SDK2: variants seen among roughly 807,000 people sequenced by gnomAD.
The protein encoded by SDK2 is sidekick cell adhesion molecule 2.
A neutral mutation model predicts 253.9 loss-of-function variants in SDK2; 105 were observed. The ratio of observed to expected loss-of-function variants is 0.41; its 90% CI spans 0.35 to 0.49. SDK2 has a LOEUF of 0.49. Among genes scored for constraint, SDK2 ranks in the 20% least tolerant of loss-of-function variants. The pLI, the probability that SDK2 is intolerant of heterozygous loss-of-function variation, is 0.06. For missense variants in SDK2, 2,608 were observed against 3,003.0 expected, an observed-to-expected ratio of 0.87 and a Z score of 3.07; for synonymous variants, 1,249 against 1,234.9, an observed-to-expected ratio of 1.01 and a Z score of -0.24.
chr17:73,457,051 G>A (rs1208241293), intron 3 of SDK2, among the ~76,000 whole-genome samples: 3 of 152,204 alleles, frequency 2.0e-5, no homozygotes, highest in African/African-American at 7.2e-5. Flanking sequence ...CTTGGCAAGT[G>A]TGTCCATGTT....
At position 73,470,691 on chromosome 17, in the gene SDK2, G is replaced by GCCTCACTTGAGATTTTCTTTTA. The variant is rs1332174812; in HGVS notation, c.331+1399_331+1420dup. 2.6e-5 allele frequency among the ~76,000 whole-genome samples: 4 copies of GCCTCACTTGAGATTTTCTTTTA among 152,294 alleles called. No individual in the cohort carries two copies. The East Asian group carries it at 5.8e-4, about 22-fold the overall frequency. ...TCCGTAATTATCATAAACACTCTTT[G>GCCTCACTTGAGATTTTCTTTTA]CCTCACTTGAGATTTTCTTTTAGAT... On this transcript the variant is annotated intron_variant, in intron 3 of 44. Coordinates refer to ENST00000392650, the MANE Select transcript of SDK2 (RefSeq NM_001144952.2).
intron 1 of SDK2, among the ~76,000 whole-genome samples, chr17:73,611,029 T>C (rs1374032581): frequency 2.0e-5 from 3 of 152,248 alleles, no homozygotes; most frequent in Admixed American, 6.5e-5. Context: ...TACTGTATTC[T>C]CTGCACAGTC....
At chr17:73,627,137 A>G (rs2046212166) in intron 1 of SDK2, among the ~76,000 whole-genome samples, 1 of 152,166 alleles carries the variant, frequency 6.6e-6, no homozygotes, top group Non-Finnish European at 1.5e-5. Context: ...GGGGTTGTTG[A>G]AAGGATTCGA....
chr17:73,579,209 A>G (rs1043093906), intron 1 of SDK2, among the ~76,000 whole-genome samples: 2 of 152,122 alleles, frequency 1.3e-5, no homozygotes, highest in African/African-American at 4.8e-5. Flanking sequence ...CATCCTCCGC[A>G]GTCTCCCCAG....
intron 6 of SDK2, among the ~76,000 whole-genome samples, chr17:73,438,631 A>AAGACAGACAGACAGAC (rs34644814): frequency 7.4e-4 from 108 of 146,650 alleles, no homozygotes; most frequent in African/African-American, 2.8e-3. Context: ...AAGGGCAGAC[A>AAGACAGACAGACAGAC]AGACAGACAG....
intron 2 of SDK2, among the ~76,000 whole-genome samples, chr17:73,494,720 C>T (rs1161574056): frequency 2.0e-5 from 3 of 152,210 alleles, no homozygotes; most frequent in Non-Finnish European, 1.5e-5. Context: ...TCTCTCCCTC[C>T]CATCTGCCAC....
At chr17:73,580,954 A>G (rs8081098) in intron 1 of SDK2, among the ~76,000 whole-genome samples, 32,579 of 152,108 alleles carry the variant, frequency 0.21, 3,835 homozygotes, top group African/African-American at 0.3. Context: ...GTGCAGTGGT[A>G]TGAATACTGC....
At chr17:73,487,669 A>G (rs1175086948) in intron 2 of SDK2, among the ~76,000 whole-genome samples, 1 of 152,178 alleles carries the variant, frequency 6.6e-6, no homozygotes, top group Non-Finnish European at 1.5e-5. Flanking sequence ...GTCCTTGCAC[A>G]CACAACTTTA....
At chr17:73,552,722 C>T (rs143544462) in intron 1 of SDK2, among the ~76,000 whole-genome samples, 99 of 152,316 alleles carry the variant, frequency 6.5e-4, no homozygotes, top group African/African-American at 2.2e-3. Flanking sequence ...AGCTTGAGGA[C>T]GGTGCTACTA....
intron 4 of SDK2, among the ~76,000 whole-genome samples, chr17:73,450,405 G>A (rs1257877441): frequency 1.3e-5 from 2 of 152,128 alleles, no homozygotes; most frequent in Admixed American, 6.6e-5. Context: ...TTCCCACCCC[G>A]CAGACCGGGA....
chr17:73,338,606 C>G lies in SDK2; in HGVS notation c.6500G>C (p.Gly2167Ala), dbSNP rs1328183317. 1 of 1,521,872 alleles carries G rather than the reference C, an allele frequency of 6.6e-7. No homozygotes were observed. The highest frequency in any genetic ancestry group is 2.2e-5 in the Admixed American group (1 of 45,520). 94.3% of individuals were successfully genotyped at this position (1,521,872 alleles called of 1,614,324 possible). A position where few individuals can be genotyped will look rare whatever the true frequency, so the allele number is the denominator to read the frequency against. ...LAPGSRAPIA[G>A]FSSFV ...CTGATGTCAAACAAATGATGAAAAT[C>G]CTGCTATGGGAGCCCGGGAGCCTGG... Residue 2167 changes from glycine (G) to alanine (A), a missense_variant, in exon 45 of 45, where the codon GGA (glycine) becomes GCA (alanine). Around this residue, in one of 2 missense-constraint regions of SDK2, gnomAD observed 1,103 missense variants for 1,143.9 expected, o/e 0.96. Coordinates refer to ENST00000392650, the MANE Select transcript of SDK2 (RefSeq NM_001144952.2). The surrounding 1 kb of genome is among the most constrained non-coding windows in gnomAD (Gnocchi z 5.0).
At chr17:73,522,167 G>A (rs1204418200) in intron 1 of SDK2, among the ~76,000 whole-genome samples, 1 of 152,246 alleles carries the variant, frequency 6.6e-6, no homozygotes, top group Non-Finnish European at 1.5e-5. Context: ...CCAACCCAGA[G>A]TGTGCAACTC....
At chr17:73,637,828 T>C (rs1034077685) in intron 1 of SDK2, among the ~76,000 whole-genome samples, 1 of 152,236 alleles carries the variant, frequency 6.6e-6, no homozygotes, top group African/African-American at 2.4e-5. Context: ...CATCATAAAG[T>C]TGGAGTTCAG....
At chr17:73,356,998 G>A (rs1002575511) in intron 40 of SDK2, among the ~76,000 whole-genome samples, 3 of 152,202 alleles carry the variant, frequency 2.0e-5, no homozygotes, top group Admixed American at 1.3e-4. Context: ...GGAGAAGCAC[G>A]TAGTGGTCTC....
intron 2 of SDK2, among the ~76,000 whole-genome samples, chr17:73,474,919 G>A (rs1034634619): frequency 2.0e-5 from 3 of 152,210 alleles, no homozygotes; most frequent in Non-Finnish European, 4.4e-5. Context: ...TTCCGTCATA[G>A]TGAAAGAAAT....
intron 36 of SDK2, among the ~76,000 whole-genome samples, chr17:73,371,448 AGGCAGGATAAGCCT>A (rs1001416789): frequency 6.6e-6 from 1 of 152,200 alleles, no homozygotes; most frequent in African/African-American, 2.4e-5. Context: ...CTGCTGAGTC[AGGCAGGATAAGCCT>A]GTGGTTTGAC....
chr17:73,614,617 GAGGA>G (rs1387382977), intron 1 of SDK2, among the ~76,000 whole-genome samples: 1 of 66,342 alleles, frequency 1.5e-5, no homozygotes, highest in Non-Finnish European at 2.7e-5. Flanking sequence ...CGGAGGGAGG[GAGGA>G]GCACAAGGAT....
intron 1 of SDK2, among the ~76,000 whole-genome samples, chr17:73,625,775 G>T (rs1430835655): frequency 2.0e-5 from 3 of 152,066 alleles, no homozygotes; most frequent in Non-Finnish European, 4.4e-5. Flanking sequence ...CTCCCGAGTA[G>T]CTGGGATTAC....
At chr17:73,543,770 C>T (rs34540825) in intron 1 of SDK2, among the ~76,000 whole-genome samples, 6,564 of 152,314 alleles carry the variant, frequency 0.043, 154 homozygotes, top group African/African-American at 0.052. Flanking sequence ...GGGCCAGGCC[C>T]GCCCTCCAGG....
Sources: allele counts gnomAD v4.1 joint callset (sites outside exome capture counted in the v4.1 genomes callset), GRCh38; gene constraint gnomAD v4.1.1; regional missense constraint gnomAD v4.1.1; non-coding constraint Gnocchi (gnomAD v3.1); transcripts MANE v1.5; gene names NCBI Gene and HGNC (gene_info 2026-07-23, HGNC 2026-07-21).